The following IMMP2L variants were observed in gnomAD, a reference collection of about 807,000 sequenced individuals.
The protein encoded by IMMP2L is mitochondrial inner membrane protease subunit 2.
A neutral mutation model predicts 19.3 loss-of-function variants in IMMP2L; 18 were observed. That is an observed-to-expected ratio of 0.93 (90% CI 0.64 to 1.38). The LOEUF (loss-of-function observed/expected upper bound fraction) is 1.38. IMMP2L is among the 40% of genes most tolerant of loss of function. IMMP2L has a pLI of 0.00. For synonymous variants in IMMP2L, 76 were observed against 73.0 expected, an observed-to-expected ratio of 1.04 and a Z score of -0.21; for missense variants, 233 against 218.2, an observed-to-expected ratio of 1.07 and a Z score of -0.43.
At chr7:110,868,117 T>TTGTGTGTGTG (rs71151813) in intron 5 of IMMP2L, among the ~76,000 whole-genome samples, 1,476 of 144,420 alleles carry the variant, frequency 0.01, 20 homozygotes, top group East Asian at 0.033. Context: ...CTTGTGAGGT[T>TTGTGTGTGTG]TGTGTGTGTG....
intron 3 of IMMP2L, among the ~76,000 whole-genome samples, chr7:111,313,668 T>C (rs912838590): frequency 3.9e-5 from 6 of 152,052 alleles, no homozygotes; most frequent in Non-Finnish European, 8.8e-5. Flanking sequence ...AAATCAACTA[T>C]AGGAGTTTTT....
chr7:111,350,034 C>T (rs1193395414), intron 3 of IMMP2L, among the ~76,000 whole-genome samples: 3 of 150,526 alleles, frequency 2.0e-5, no homozygotes, highest in Non-Finnish European at 4.4e-5. Flanking sequence ...GTGGTGCGAT[C>T]TCAGCTCACT....
chr7:111,143,320 C>G (rs1216885638), intron 3 of IMMP2L, among the ~76,000 whole-genome samples: 1 of 152,122 alleles, frequency 6.6e-6, no homozygotes, highest in Non-Finnish European at 1.5e-5. Flanking sequence ...CCCCCAACCC[C>G]CAACCTCTGC....
rs143362139 is a variant in IMMP2L, at chr7:111,148,486, G to A, written c.240-184921C>T. Among the ~76,000 whole-genome samples, 45 of 151,904 alleles carry A rather than the reference G, an allele frequency of 3.0e-4. 1 individual carries two copies. The highest frequency in any genetic ancestry group is 4.1e-4 in the Non-Finnish European group (28 of 67,974). On this transcript the variant is annotated intron_variant, in intron 3 of 5. Transcript: ENST00000405709. ...AATATATTAACATTCATGGAATTAC[G>A]TACATTAAAAGTGTGAAACCTACAG...
At chr7:111,306,272 C>T (rs1822857489) in intron 3 of IMMP2L, among the ~76,000 whole-genome samples, 1 of 152,098 alleles carries the variant, frequency 6.6e-6, no homozygotes. Context: ...ATAGAATGTA[C>T]AACATCAACA....
intron 5 of IMMP2L, among the ~76,000 whole-genome samples, chr7:110,664,161 T>C (rs1347613388): frequency 1.3e-5 from 2 of 152,094 alleles, no homozygotes; most frequent in Admixed American, 6.5e-5. Flanking sequence ...AAATCTGGCG[T>C]ATATTCTCAG....
At chr7:111,082,418 A>C (rs1459833378) in intron 3 of IMMP2L, among the ~76,000 whole-genome samples, 1 of 152,234 alleles carries the variant, frequency 6.6e-6, no homozygotes, top group Non-Finnish European at 1.5e-5. Flanking sequence ...ATGTTATTAC[A>C]GTACAACGCT....
At chr7:110,931,831 C>A (rs1815523294) in intron 4 of IMMP2L, among the ~76,000 whole-genome samples, 1 of 152,180 alleles carries the variant, frequency 6.6e-6, no homozygotes, top group African/African-American at 2.4e-5. Flanking sequence ...CCACTACACT[C>A]CACTTCATAT....
At chr7:110,823,952 T>C (rs887948392) in intron 5 of IMMP2L, among the ~76,000 whole-genome samples, 1 of 152,116 alleles carries the variant, frequency 6.6e-6, no homozygotes, top group African/African-American at 2.4e-5. Flanking sequence ...GATATTTCTT[T>C]ATCATTCAGT....
intron 5 of IMMP2L, among the ~76,000 whole-genome samples, chr7:110,790,118 A>T (rs1800365327): frequency 6.6e-6 from 1 of 151,630 alleles, no homozygotes; most frequent in South Asian, 2.1e-4. Flanking sequence ...AGTAGTCTCT[A>T]GTGCATAGCT....
At chr7:111,395,683 T>C (rs548185397) in intron 3 of IMMP2L, among the ~76,000 whole-genome samples, 20 of 152,198 alleles carry the variant, frequency 1.3e-4, no homozygotes, top group Non-Finnish European at 2.2e-4. Flanking sequence ...ATTTAATCTC[T>C]ATTGTACTAA....
rs1265599663 is a variant in IMMP2L at position 111,461,831 on chromosome 7, CTG to C, written c.239+25405_239+25406del. Among the ~76,000 whole-genome samples the C allele has an allele frequency of 7.9e-5, 12 of 152,116 alleles. No individual in the cohort carries two copies. In the South Asian group the frequency reaches 2.5e-3, roughly 32 times the overall value. ...AATGTTTAGTAAAAACTGGAAACAA[CTG>C]TTTCTGTATCACTTGCAACGTCACA... On this transcript the variant is annotated intron_variant, in intron 3 of 5. Coordinates refer to ENST00000405709, the MANE Select transcript of IMMP2L (RefSeq NM_032549.4).
intron 3 of IMMP2L, among the ~76,000 whole-genome samples, chr7:111,418,917 T>A (rs1050845519): frequency 6.6e-6 from 1 of 151,826 alleles, no homozygotes; most frequent in African/African-American, 2.4e-5. Flanking sequence ...GATTTACAGT[T>A]TATTTCATAC....
intron 3 of IMMP2L, among the ~76,000 whole-genome samples, chr7:111,030,505 A>AC (rs1203851216): frequency 6.6e-6 from 1 of 152,108 alleles, no homozygotes; most frequent in Non-Finnish European, 1.5e-5. Context: ...TATCTACACA[A>AC]CAAACATGAG....
chr7:110,717,463 TCAAAA>T (rs562273148), intron 5 of IMMP2L, among the ~76,000 whole-genome samples: 8 of 152,220 alleles, frequency 5.3e-5, no homozygotes, highest in Non-Finnish European at 7.4e-5. Flanking sequence ...AGACTACGTC[TCAAAA>T]CAAAACAAAA....
intron 3 of IMMP2L, among the ~76,000 whole-genome samples, chr7:111,144,767 T>C (rs1409092984): frequency 6.6e-6 from 1 of 152,044 alleles, no homozygotes; most frequent in African/African-American, 2.4e-5. Context: ...AGATGTTTCT[T>C]AACTATTTAT....
intron 3 of IMMP2L, among the ~76,000 whole-genome samples, chr7:111,469,535 C>G (rs920279798): frequency 4.6e-5 from 7 of 152,042 alleles, no homozygotes; most frequent in African/African-American, 1.7e-4. Flanking sequence ...TGGGAGTTCA[C>G]TCATGATTTG....
At chr7:111,068,700 G>A (rs773855802) in intron 3 of IMMP2L, among the ~76,000 whole-genome samples, 6 of 152,038 alleles carry the variant, frequency 3.9e-5, no homozygotes, top group African/African-American at 7.2e-5. Context: ...CAGTGATATC[G>A]TAAGCCAATT....
At chr7:111,479,421 T>C (rs1841992897) in intron 3 of IMMP2L, among the ~76,000 whole-genome samples, 1 of 152,128 alleles carries the variant, frequency 6.6e-6, no homozygotes, top group African/African-American at 2.4e-5. Flanking sequence ...AATCAGCCAC[T>C]GACTGATCTG....
Sources: gnomAD v4.1 joint callset for allele counts (sites outside exome capture counted in the v4.1 genomes callset) on GRCh38, gnomAD v4.1.1 for gene constraint, MANE v1.5 for transcripts, NCBI Gene and HGNC (gene_info 2026-07-23, HGNC 2026-07-21) for gene names.